PFKM: variants seen among roughly 807,000 people sequenced by gnomAD.
The protein encoded by PFKM is phosphofructokinase, muscle.
PFKM carries 58 observed loss-of-function variants against 95.5 expected under a neutral mutation model. The observed-to-expected ratio is 0.61, with a 90% CI of 0.49 to 0.76. PFKM has a LOEUF of 0.76. Among genes scored for constraint, PFKM ranks in the 30% least tolerant of loss-of-function variants. PFKM has a pLI of 0.00. For synonymous variants in PFKM, 336 were observed against 357.2 expected, an observed-to-expected ratio of 0.94 and a Z score of 0.67; for missense variants, 678 against 1,005.4, an observed-to-expected ratio of 0.67 and a Z score of 4.40.
At chr12:48,134,108 G>A in intron 6 of PFKM, 124 bp from the exon 7 acceptor site, 1 of 821,958 alleles carries the variant, frequency 1.2e-6, no homozygotes, top group Non-Finnish European at 2.2e-6. Flanking sequence ...GTCTCAGGAA[G>A]CCTGCTAGAA....
Position 48,126,606 on chromosome 12 carries a change from T to C in PFKM, c.85+3747T>C, listed in dbSNP as rs572914352. On this transcript the variant is annotated intron_variant, in intron 2 of 22. Transcript: ENST00000359794. ...AACGTTCGGAGTCACTTGTCTCTCT[T>C]AACCCTGGGTATACCAACAGGATTG... Among the ~76,000 whole-genome samples, 3 of 152,352 alleles carry C rather than the reference T, an allele frequency of 2.0e-5. No individual in the cohort carries two copies. In the South Asian group the frequency reaches 6.2e-4, roughly 32 times the overall value.
chr12:48,144,427 G>A (rs1333380918), intron 20 of PFKM, among the ~76,000 whole-genome samples: 1 of 152,144 alleles, frequency 6.6e-6, no homozygotes, highest in African/African-American at 2.4e-5. Context: ...GCCTTTTGGG[G>A]CTGGATGATA....
chr12:48,138,278 C>G (rs1220670367), intron 11 of PFKM, among the ~76,000 whole-genome samples: 1 of 152,176 alleles, frequency 6.6e-6, no homozygotes, highest in Non-Finnish European at 1.5e-5. Context: ...GTTACTAATG[C>G]TAACGTTGAG....
At chr12:48,116,460 A>G (rs776819251), upstream of PFKM, among the ~76,000 whole-genome samples, 2 of 152,050 alleles carry the variant, frequency 1.3e-5, no homozygotes, top group African/African-American at 4.8e-5. Context: ...AGAACTGTCT[A>G]TTCAAGCCTT....
At chr12:48,117,911 G>T (rs184137299), upstream of PFKM, among the ~76,000 whole-genome samples, 11 of 152,132 alleles carry the variant, frequency 7.2e-5, no homozygotes, top group East Asian at 3.8e-4. Flanking sequence ...AAGCAGGGAG[G>T]GGGGAGCGGG....
chr12:48,129,225 T>C (rs1448539216), intron 2 of PFKM, among the ~76,000 whole-genome samples: 9 of 121,808 alleles, frequency 7.4e-5, no homozygotes, highest in African/African-American at 2.3e-4. Flanking sequence ...TTTTTTTTTT[T>C]TTTTTTTTTT....
intron 2 of PFKM, chr12:48,125,361 C>T (rs1240137680): frequency 4.5e-6 from 2 of 448,206 alleles, no homozygotes; most frequent in African/African-American, 2.0e-5. Flanking sequence ...GTGGCTCACA[C>T]CTGTAATCCC....
intron 1 of PFKM, among the ~76,000 whole-genome samples, chr12:48,121,691 T>C (rs1948292792): frequency 6.6e-6 from 1 of 152,080 alleles, no homozygotes; most frequent in African/African-American, 2.4e-5. Context: ...GTGTGTCTAA[T>C]AGAGTGAAGA....
chr12:48,109,904 A>C (rs1947034309), intron 3 of PFKM, among the ~76,000 whole-genome samples: 1 of 152,108 alleles, frequency 6.6e-6, no homozygotes, highest in Admixed American at 6.5e-5. Flanking sequence ...TGTGTTGAGC[A>C]CATACTATGT....
rs965103121 is a variant in PFKM at position 48,132,889 on chromosome 12, G to T, written c.259G>T (p.Ala87Ser). The T allele has an allele frequency of 6.2e-7, 1 of 1,613,372 alleles. No homozygotes were observed. The highest frequency in any genetic ancestry group is 8.5e-7 in the Non-Finnish European group (1 of 1,179,700). The change falls in exon 5 of 23, where the codon GCC becomes TCC. Residue 87 changes from alanine (A) to serine (S), a missense_variant. Physicochemically the swap from Ala to Ser is moderately conservative, Grantham distance 99. Coordinates refer to ENST00000359794, the MANE Select transcript of PFKM (RefSeq NM_000289.6). ...AAAGGGAGGCACGGTGATTGGAAGT[G>T]CCCGGTGCAAGGACTTTCGGGAACG... Reference protein sequence around the residue: ...LQLGGTVIGSARCKDFREREG... With the variant: ...LQLGGTVIGSSRCKDFREREG...
chr12:48,143,537 T>A (rs148403299), intron 18 of PFKM, among the ~76,000 whole-genome samples: 1 of 152,234 alleles, frequency 6.6e-6, no homozygotes, highest in Non-Finnish European at 1.5e-5. Context: ...CTGTCTGTAG[T>A]GCTCCCTCTT....
At chr12:48,119,944 A>C (rs1948074862) in intron 1 of PFKM, 1 of 151,296 alleles carries the variant, frequency 6.6e-6, no homozygotes, top group Non-Finnish European at 1.5e-5. Flanking sequence ...GCACTCTTAA[A>C]CTCCTCTTGT....
chr12:48,109,004 C>T (rs1946952315), intron 3 of PFKM, among the ~76,000 whole-genome samples: 1 of 152,146 alleles, frequency 6.6e-6, no homozygotes, highest in African/African-American at 2.4e-5. Context: ...AAATATATAT[C>T]AGTATTTAGC....
At chr12:48,106,424 C>T (rs1467619829) in intron 1 of PFKM, 1 of 440,800 alleles carries the variant, frequency 2.3e-6, no homozygotes, top group South Asian at 2.7e-5. Flanking sequence ...TCCATGGCAG[C>T]TTTTCGCGGT....
intron 1 of PFKM, chr12:48,106,263 A>G: frequency 1.6e-6 from 1 of 610,106 alleles, no homozygotes; most frequent in South Asian, 1.9e-5. Flanking sequence ...GTAATTTCTC[A>G]GTACCCTTTT....
rs146318448 is a variant in PFKM at position 48,139,876 on chromosome 12, C to T, written c.1155C>T (p.Tyr385=). 2.3e-5 allele frequency: 37 copies of T among 1,612,878 alleles called. No individual in the cohort carries two copies. The highest frequency in any genetic ancestry group is 2.1e-4 in the African/African-American group (16 of 74,918). ...GCTTCATGAACAACTGGGAGGTGTA[C>T]AAGCTTCTAGCTCATGTCAGACCCC... ...GRSFMNNWEV[Y]KLLAHVRPPV... is the part of the protein sequence containing the mutation. Residue 385 remains tyrosine (Y), a synonymous_variant, in exon 13 of 23, where the codon TAC becomes TAT. Coordinates refer to ENST00000359794, the MANE Select transcript of PFKM (RefSeq NM_000289.6).
chr12:48,128,338 C>G (rs148207614), intron 2 of PFKM, among the ~76,000 whole-genome samples: 86 of 152,222 alleles, frequency 5.6e-4, no homozygotes, highest in Admixed American at 2.2e-3. Context: ...CTCCTGGGCT[C>G]AAGTGATCCT....
In PFKM at chr12:48,146,095, G is replaced by T; in HGVS notation, c.*387G>T. The T allele has an allele frequency of 3.8e-6, 1 of 260,932 alleles. No homozygotes were observed. The highest frequency in any genetic ancestry group is 7.6e-6 in the Non-Finnish European group (1 of 132,320). 16.2% of individuals were successfully genotyped at this position (260,932 alleles called of 1,614,324 possible). On this transcript the variant is annotated 3_prime_UTR_variant, in exon 23 of 23. Coordinates refer to ENST00000359794, the MANE Select transcript of PFKM (RefSeq NM_000289.6). ...GTAACTACACTAATAAATGCCAACT[G>T]GTCACTGTGCTTTTGCTTCTCCTGT...
At chr12:48,127,660 C>G (rs1389970532) in intron 2 of PFKM, among the ~76,000 whole-genome samples, 2 of 152,192 alleles carry the variant, frequency 1.3e-5, no homozygotes, top group Non-Finnish European at 2.9e-5. Context: ...AGCCTCCTAA[C>G]CCTAGAAATC....
Sources: gnomAD v4.1 joint callset for allele counts (sites outside exome capture counted in the v4.1 genomes callset) on GRCh38, gnomAD v4.1.1 for gene constraint, MANE v1.5 for transcripts, NCBI Gene and HGNC (gene_info 2026-07-23, HGNC 2026-07-21) for gene names.